GDF2: variants seen among roughly 807,000 people sequenced by gnomAD.
The protein encoded by GDF2 is growth differentiation factor 2.
A neutral mutation model predicts 16.9 loss-of-function variants in GDF2; 17 were observed. The observed-to-expected ratio is 1.00, with a 90% CI of 0.69 to 1.51. The LOEUF (loss-of-function observed/expected upper bound fraction) is 1.51, where lower values mean the gene tolerates loss of function less well. GDF2 is among the 40% of genes most tolerant of loss of function. GDF2 has a pLI of 0.00. For missense variants in GDF2, 523 were observed against 556.3 expected (o/e 0.94, Z 0.60); for synonymous variants, 276 against 237.6 (o/e 1.16, Z -1.49).
At position 47,326,954 on chromosome 10, in the gene GDF2, T is replaced by C. The variant is rs923189189; in HGVS notation, c.*1170T>C. Among the ~76,000 whole-genome samples the C allele has an allele frequency of 2.6e-5, 4 of 152,242 alleles. No individual in the cohort carries two copies. The highest frequency in any genetic ancestry group is 2.9e-5 in the Non-Finnish European group (2 of 68,030). ...ATTTTTATTCCTTGGTGACATGTCC[T>C]TAAGTGACAAGACTCCAGCCTTCCT... On this transcript the variant is annotated 3_prime_UTR_variant, in exon 2 of 2. Transcript: ENST00000581492.
Position 47,325,638 on chromosome 10 carries a change from C to T in GDF2, c.1144C>T (p.Leu382Phe), listed in dbSNP as rs1338606619. ...CGCTATCGTGCAGACCCTGGTGCAT[C>T]TCAAGTTCCCCACAAAGGTGGGCAA... ...KHAIVQTLVH[L>F]KFPTKVGKAC... Residue 382 changes from leucine (L) to phenylalanine (F), a missense_variant, in exon 2 of 2, where the codon CTC becomes TTC. By Grantham distance (22) the Leu-to-Phe change is conservative (BLOSUM62 0). Transcript: ENST00000581492. 1 of 1,613,612 alleles carries T rather than the reference C, an allele frequency of 6.2e-7. No individual in the cohort carries two copies. The highest frequency in any genetic ancestry group is 8.5e-7 in the Non-Finnish European group (1 of 1,179,704).
rs558584761 is a variant in GDF2, at chr10:47,326,044, CA to C, written c.*261del. 417 of 396,532 alleles carry C rather than the reference CA, an allele frequency of 1.1e-3. No individual in the cohort carries two copies. The highest frequency in any genetic ancestry group is 4.0e-3 in the Middle Eastern group (6 of 1,510). 24.6% of individuals were successfully genotyped at this position (396,532 alleles called of 1,614,324 possible). The stretch of plus-strand genomic sequence containing the variant: ...ATGCAAGGAGGTGATGAAAAGGAGA[CA>C]GGGGGAAAAATAATCCATAGTCAGC... On this transcript the variant is annotated 3_prime_UTR_variant, in exon 2 of 2. Transcript: ENST00000581492.
chr10:47,325,089 G>C lies in GDF2; in HGVS notation c.595G>C (p.Asp199His). ...CTTCCTGGTGTCCCAGGACATTCAG[G>C]ATGAGGGCTGGGAGACCTTGGAAGT... ...KTFLVSQDIQ[D>H]EGWETLEVSS... Residue 199 changes from aspartate to histidine, a missense_variant, in exon 2 of 2, where the codon GAT becomes CAT. By Grantham distance (81) the Asp-to-His change is moderately conservative. Coordinates refer to ENST00000581492, the MANE Select transcript of GDF2 (RefSeq NM_016204.4). 1.2e-6 allele frequency: 2 copies of C among 1,614,112 alleles called. No individual in the cohort carries two copies. Among genetic ancestry groups the C allele is most frequent in the African/African-American group, 1.3e-5 (1 of 75,068 alleles).
chr10:47,324,034 G>A (rs1236848237), intron 1 of GDF2, among the ~76,000 whole-genome samples: 1 of 152,222 alleles, frequency 6.6e-6, no homozygotes, highest in Non-Finnish European at 1.5e-5. Flanking sequence ...AGCAAGTGCT[G>A]AAAAAATGCA....
In GDF2 at chr10:47,325,573, G is replaced by A; in HGVS notation, c.1079G>A (p.Cys360Tyr). Residue 360 changes from cysteine to tyrosine, a missense_variant, in exon 2 of 2, where the codon TGC (cysteine) becomes TAC (tyrosine). Physicochemically the swap from Cys to Tyr is radical, Grantham distance 194 (BLOSUM62 -2). Transcript: ENST00000581492. ...GAAGCCTACGAGTGTAAGGGCGGCT[G>A]CTTCTTCCCCTTGGCTGACGATGTG... ...EYEAYECKGGCFFPLADDVTP... is the reference protein window; with the variant it reads ...EYEAYECKGGYFFPLADDVTP... 1 of 1,614,130 alleles carries A rather than the reference G, an allele frequency of 6.2e-7. No homozygotes were observed. Among genetic ancestry groups the A allele is most frequent in the African/African-American group, 1.3e-5 (1 of 75,078 alleles).
At position 47,327,030 on chromosome 10, in the gene GDF2, C is replaced by G. The variant is rs1338456112; in HGVS notation, c.*1246C>G. On this transcript the variant is annotated 3_prime_UTR_variant, in exon 2 of 2. Transcript: ENST00000581492. The stretch of plus-strand genomic sequence containing the variant: ...GAGCTGCAGTCCTTATCGGCTATCA[C>G]TGGCTCTGCCTGCATTTGCCGGCTC... Among the ~76,000 whole-genome samples, 2 of 152,260 alleles carry G rather than the reference C, an allele frequency of 1.3e-5. No individual in the cohort carries two copies. Among genetic ancestry groups the G allele is most frequent in the Admixed American group, 6.5e-5 (1 of 15,292 alleles).
At chr10:47,324,645 G>T (rs1555208849) in intron 1 of GDF2, among the ~76,000 whole-genome samples, 196 bp from the exon 2 acceptor site, 3 of 152,166 alleles carry the variant, frequency 2.0e-5, no homozygotes, top group African/African-American at 7.2e-5. Flanking sequence ...CCAATTGGAG[G>T]CATCTCCTTT....
chr10:47,325,659 G>C lies in GDF2; in HGVS notation c.1165G>C (p.Gly389Arg), dbSNP rs1332389412. 4 of 1,612,990 alleles carry C rather than the reference G, an allele frequency of 2.5e-6. No homozygotes were observed. Among genetic ancestry groups the C allele is most frequent in the Non-Finnish European group, 3.4e-6 (4 of 1,179,218 alleles). The change falls in exon 2 of 2, where the codon GGC (glycine) becomes CGC (arginine). Residue 389 changes from glycine to arginine, a missense_variant. Gly to Arg is a moderately radical substitution (Grantham distance 125). Transcript: ENST00000581492. ...LVHLKFPTKVGKACCVPTKLS... is the reference protein window; with the variant it reads ...LVHLKFPTKVRKACCVPTKLS... ...GCATCTCAAGTTCCCCACAAAGGTG[G>C]GCAAGGCCTGCTGTGTGCCCACCAA...
In GDF2 at chr10:47,322,743, G is replaced by T. The variant is rs1555208695; in HGVS notation, c.75G>T (p.Leu25=). The change falls in exon 1 of 2, where the codon CTG becomes CTT. Residue 25 remains leucine, a synonymous_variant. Transcript: ENST00000581492. ...CTGGCTCCCTACAGGGGAAGCCACT[G>T]CAGAGCTGGGGACGAGGGTCTGCTG... ...LLAGSLQGKP[L]QSWGRGSAGG... 6.2e-7 allele frequency: 1 copy of T among 1,609,538 alleles called. No homozygotes were observed. Among genetic ancestry groups the T allele is most frequent in the Non-Finnish European group, 8.5e-7 (1 of 1,177,304 alleles).
At position 47,322,492 on chromosome 10, in the gene GDF2, G is replaced by C. The variant is rs1386851169; in HGVS notation, c.-177G>C. ...GAGCGCGGCATCGAGGACCAGATAA[G>C]CACAAGTGGAGGACAATCCAGCCCG... is the stretch of plus-strand genomic sequence containing the variant. On this transcript the variant is annotated 5_prime_UTR_variant, in exon 1 of 2. Transcript: ENST00000581492. 7.8e-5 allele frequency: 42 copies of C among 540,194 alleles called. No homozygotes were observed. In the Admixed American group the frequency reaches 1.4e-3, roughly 18 times the overall value. The allele number at this position is 540,194 out of a possible 1,614,324, so 33.5% of individuals were successfully genotyped here.
In GDF2 at chr10:47,325,556, C is replaced by G; in HGVS notation, c.1062C>G (p.Tyr354Ter). The G allele has an allele frequency of 6.2e-7, 1 of 1,614,006 alleles. No homozygotes were observed. Among genetic ancestry groups the G allele is most frequent in the Non-Finnish European group, 8.5e-7 (1 of 1,180,024 alleles). The change falls in exon 2 of 2, where the codon TAC becomes TAG. Residue 354 changes from tyrosine (Y) to a stop codon, truncating the protein, a stop_gained. Coordinates refer to ENST00000581492, the MANE Select transcript of GDF2 (RefSeq NM_016204.4). LOFTEE classifies it high-confidence loss of function. ...TTGCACCCAAGGAGTATGAAGCCTA[C>G]GAGTGTAAGGGCGGCTGCTTCTTCC... Reference protein sequence around the residue: ...WIIAPKEYEAYECKGGCFFPL... With the variant: ...WIIAPKEYEA
At position 47,325,670 on chromosome 10, in the gene GDF2, C is replaced by T. The variant is rs1555209084; in HGVS notation, c.1176C>T (p.Cys392=). The stretch of plus-strand genomic sequence containing the variant: ...TCCCCACAAAGGTGGGCAAGGCCTG[C>T]TGTGTGCCCACCAAACTGAGCCCCA... ...LKFPTKVGKA[C]CVPTKLSPIS... The change falls in exon 2 of 2, where the codon TGC becomes TGT. Residue 392 remains cysteine (C), a synonymous_variant. Coordinates refer to ENST00000581492, the MANE Select transcript of GDF2 (RefSeq NM_016204.4). 1.2e-6 allele frequency: 2 copies of T among 1,611,428 alleles called. No individual in the cohort carries two copies. Among genetic ancestry groups the T allele is most frequent in the Non-Finnish European group, 1.7e-6 (2 of 1,178,110 alleles).
At position 47,322,959 on chromosome 10, in the gene GDF2, G is replaced by T. The variant is rs782438337; in HGVS notation, c.291G>T (p.Thr97=). Residue 97 remains threonine (T), a synonymous_variant, in exon 1 of 2, where the codon ACG becomes ACT. Transcript: ENST00000581492. The stretch of plus-strand genomic sequence containing the variant: ...TGATTGACCTGTACAACAGGTACAC[G>T]TCCGATAAGTCGACTACGCCAGCGT... The part of the protein sequence containing the change: ...QYMIDLYNRY[T]SDKSTTPASN... The T allele has an allele frequency of 6.2e-7, 1 of 1,611,520 alleles. No homozygotes were observed. The highest frequency in any genetic ancestry group is 8.5e-7 in the Non-Finnish European group (1 of 1,177,854).
In GDF2 at chr10:47,325,080, G is replaced by T. The variant is rs1353275041; in HGVS notation, c.586G>T (p.Asp196Tyr). Residue 196 changes from aspartate (D) to tyrosine (Y), a missense_variant, in exon 2 of 2, where the codon GAC becomes TAC. Transcript: ENST00000581492. ...TETKTFLVSQ[D>Y]IQDEGWETLE... ...GACCAAGACCTTCCTGGTGTCCCAG[G>T]ACATTCAGGATGAGGGCTGGGAGAC... is the stretch of plus-strand genomic sequence containing the variant. 1 of 1,614,052 alleles carries T rather than the reference G, an allele frequency of 6.2e-7. No individual in the cohort carries two copies. Among genetic ancestry groups the T allele is most frequent in the South Asian group, 1.1e-5 (1 of 91,084 alleles).
Position 47,325,768 on chromosome 10 carries a change from A to T in GDF2, c.1274A>T (p.Glu425Val). The change falls in exon 2 of 2, where the codon GAG (glutamate) becomes GTG (valine). Residue 425 changes from glutamate (E) to valine (V), a missense_variant. Transcript: ENST00000581492. ...CATTACGAGGGCATGAGCGTGGCAG[A>T]GTGTGGGTGCAGGTAGTATCTGCCT... ...KYHYEGMSVA[E>V]CGCR The T allele has an allele frequency of 1.3e-6, 2 of 1,547,566 alleles. No individual in the cohort carries two copies. The highest frequency in any genetic ancestry group is 1.7e-6 in the Non-Finnish European group (2 of 1,145,504).
rs782720071 is a variant in GDF2, at chr10:47,325,067, C to T, written c.573C>T (p.Phe191=). 12 of 1,613,970 alleles carry T rather than the reference C, an allele frequency of 7.4e-6. No individual in the cohort carries two copies. The highest frequency in any genetic ancestry group is 1.6e-4 in the Middle Eastern group (1 of 6,084). ...AWDSATETKT[F]LVSQDIQDEG... Reference sequence around the variant, plus strand: ...ATAGTGCTACAGAGACCAAGACCTTCCTGGTGTCCCAGGACATTCAGGATG... The same window carrying T: ...ATAGTGCTACAGAGACCAAGACCTTTCTGGTGTCCCAGGACATTCAGGATG... Residue 191 remains phenylalanine, a synonymous_variant, in exon 2 of 2, where the codon TTC becomes TTT. Coordinates refer to ENST00000581492, the MANE Select transcript of GDF2 (RefSeq NM_016204.4).
In GDF2 at chr10:47,325,138, T is replaced by C; in HGVS notation, c.644T>C (p.Val215Ala). The C allele has an allele frequency of 6.2e-7, 1 of 1,613,674 alleles. No homozygotes were observed. The highest frequency in any genetic ancestry group is 8.5e-7 in the Non-Finnish European group (1 of 1,179,968). Reference protein sequence around the residue: ...LEVSSAVKRWVRSDSTKSKNK... With the variant: ...LEVSSAVKRWARSDSTKSKNK... ...GTGTCCAGCGCCGTGAAGCGCTGGG[T>C]CCGGTCCGACTCCACCAAGAGCAAA... is the stretch of plus-strand genomic sequence containing the variant. The change falls in exon 2 of 2, where the codon GTC (valine) becomes GCC (alanine). Residue 215 changes from valine to alanine, a missense_variant. Coordinates refer to ENST00000581492, the MANE Select transcript of GDF2 (RefSeq NM_016204.4).
intron 1 of GDF2, 31 bp from the exon 2 acceptor site, chr10:47,324,810 C>A: frequency 2.0e-6 from 3 of 1,468,330 alleles, no homozygotes; most frequent in Non-Finnish European, 2.8e-6. Flanking sequence ...GACCCTCCAG[C>A]AGATGCCCAC....
intron 1 of GDF2, 126 bp from the exon 2 acceptor site, chr10:47,324,715 A>T (rs1475932494): frequency 9.4e-6 from 6 of 637,484 alleles, no homozygotes; most frequent in Middle Eastern, 4.0e-4. Flanking sequence ...GGGTGAAACC[A>T]AATAGAGATA....
Sources: gnomAD v4.1 joint callset for allele counts (sites outside exome capture counted in the v4.1 genomes callset) on GRCh38, gnomAD v4.1.1 for gene constraint, MANE v1.5 for transcripts, NCBI Gene and HGNC (gene_info 2026-07-23, HGNC 2026-07-21) for gene names.